The following LDB2 variants were observed in gnomAD, a reference collection of about 807,000 sequenced individuals.
The protein encoded by LDB2 is LIM domain binding 2.
Under a neutral mutation model 44.3 loss-of-function variants are expected in LDB2, and 12 were observed. That is an observed-to-expected ratio of 0.27 (90% CI 0.17 to 0.44). The LOEUF is 0.44. Among genes scored for constraint, LDB2 ranks in the 20% least tolerant of loss-of-function variants. The pLI, the probability that LDB2 is intolerant of heterozygous loss-of-function variation, is 1.00. For missense variants in LDB2, 344 were observed against 473.5 expected (o/e 0.73, Z 2.54); for synonymous variants, 164 against 174.8 (o/e 0.94, Z 0.49).
intron 1 of LDB2, among the ~76,000 whole-genome samples, chr4:16,818,182 A>C (rs1040311343): frequency 6.6e-6 from 1 of 152,142 alleles, no homozygotes. Flanking sequence ...TTCTCTGTGT[A>C]GTACCACAAT....
At chr4:16,518,941 A>C (rs533477655) in intron 5 of LDB2, among the ~76,000 whole-genome samples, 18 of 152,334 alleles carry the variant, frequency 1.2e-4, no homozygotes, top group African/African-American at 4.3e-4. Context: ...GAACCATTTA[A>C]GGTCCTCCAA....
At chr4:16,883,414 C>T (rs1192138116) in intron 1 of LDB2, among the ~76,000 whole-genome samples, 3 of 152,100 alleles carry the variant, frequency 2.0e-5, no homozygotes, top group Admixed American at 1.3e-4. Context: ...GAAGAAGGTA[C>T]GAGAAAGATT....
intron 2 of LDB2, among the ~76,000 whole-genome samples, chr4:16,718,243 T>C (rs995863867): frequency 6.6e-6 from 1 of 152,018 alleles, no homozygotes; most frequent in Non-Finnish European, 1.5e-5. Context: ...TTGAGTTCTG[T>C]CCTAAAGGAA....
intron 2 of LDB2, among the ~76,000 whole-genome samples, chr4:16,682,651 C>A (rs1748234005): frequency 6.6e-6 from 1 of 152,202 alleles, no homozygotes; most frequent in African/African-American, 2.4e-5. Flanking sequence ...CTCAGCTTAG[C>A]ACCTCCCTTC....
chr4:16,837,411 T>C (rs1340102308), intron 1 of LDB2, among the ~76,000 whole-genome samples: 3 of 152,188 alleles, frequency 2.0e-5, no homozygotes, highest in Non-Finnish European at 4.4e-5. Flanking sequence ...ACAGTGATGG[T>C]CACCAAAGAA....
intron 1 of LDB2, among the ~76,000 whole-genome samples, chr4:16,873,157 C>T (rs752463028): frequency 6.6e-6 from 1 of 152,100 alleles, no homozygotes; most frequent in Non-Finnish European, 1.5e-5. Flanking sequence ...CTATATTTAG[C>T]AATGAGAAGA....
intron 1 of LDB2, among the ~76,000 whole-genome samples, chr4:16,828,801 G>C (rs978954057): frequency 6.6e-6 from 1 of 152,154 alleles, no homozygotes; most frequent in Admixed American, 6.5e-5. Context: ...AGATGAGTGA[G>C]ATCATTCAAT....
At chr4:16,844,929 A>G (rs1786658659) in intron 1 of LDB2, among the ~76,000 whole-genome samples, 1 of 152,348 alleles carries the variant, frequency 6.6e-6, no homozygotes, top group Non-Finnish European at 1.5e-5. Context: ...AAGAGGGAAA[A>G]CTACATCATG....
chr4:16,742,155 T>C (rs1763416550), intron 2 of LDB2, among the ~76,000 whole-genome samples: 1 of 146,664 alleles, frequency 6.8e-6, no homozygotes, highest in Non-Finnish European at 1.5e-5. Context: ...CACTGCAATC[T>C]CCGCCTTTCG....
intron 2 of LDB2, among the ~76,000 whole-genome samples, chr4:16,634,168 A>T (rs1204245498): frequency 6.6e-6 from 1 of 152,200 alleles, no homozygotes; most frequent in Non-Finnish European, 1.5e-5. Flanking sequence ...TCCTACAAGA[A>T]AACCTGGGCA....
At chr4:16,586,867 A>G (rs1717165653) in intron 4 of LDB2, among the ~76,000 whole-genome samples, 2 of 152,216 alleles carry the variant, frequency 1.3e-5, no homozygotes, top group Admixed American at 6.5e-5. Context: ...AGATGGATGT[A>G]AACATCCCCT....
intron 5 of LDB2, among the ~76,000 whole-genome samples, chr4:16,557,260 T>C (rs970004425): frequency 2.0e-5 from 3 of 152,310 alleles, no homozygotes; most frequent in South Asian, 2.1e-4. Context: ...GGGTGAGGCA[T>C]TGCCTTACTC....
At chr4:16,757,701 T>TTGAGGAGGG (rs2109189565) in intron 2 of LDB2, among the ~76,000 whole-genome samples, 1 of 152,242 alleles carries the variant, frequency 6.6e-6, no homozygotes, top group Admixed American at 6.5e-5. Context: ...AGGCAGCTTT[T>TTGAGGAGGG]TGAGGAGGGA....
At chr4:16,555,830 C>T (rs765156047) in intron 5 of LDB2, among the ~76,000 whole-genome samples, 16 of 152,180 alleles carry the variant, frequency 1.1e-4, no homozygotes, top group Non-Finnish European at 1.5e-4. Flanking sequence ...AATACATGCT[C>T]TGTGTCATCT....
chr4:16,762,815 C>T (rs1053587832), intron 1 of LDB2, among the ~76,000 whole-genome samples: 4 of 152,118 alleles, frequency 2.6e-5, no homozygotes, highest in Admixed American at 1.3e-4. Context: ...AATAGAAATG[C>T]TGGCTGATCT....
intron 5 of LDB2, among the ~76,000 whole-genome samples, chr4:16,545,216 T>C (rs368575524): frequency 5.1e-4 from 77 of 151,276 alleles, no homozygotes; most frequent in African/African-American, 1.9e-3. Flanking sequence ...TTCTGTTTTT[T>C]CCCCCCTCCC....
intron 1 of LDB2, among the ~76,000 whole-genome samples, chr4:16,807,263 T>C (rs1778958872): frequency 6.6e-6 from 1 of 152,230 alleles, no homozygotes; most frequent in African/African-American, 2.4e-5. Flanking sequence ...AGTAATGATC[T>C]TATTGCAATT....
intron 2 of LDB2, among the ~76,000 whole-genome samples, chr4:16,740,924 C>A (rs1763121075): frequency 6.6e-6 from 1 of 152,190 alleles, no homozygotes; most frequent in Non-Finnish European, 1.5e-5. Context: ...ATGCAAAGCA[C>A]AACTCAGAAG....
chr4:16,741,006 T>G (rs920637410), intron 2 of LDB2, among the ~76,000 whole-genome samples: 1 of 152,172 alleles, frequency 6.6e-6, no homozygotes, highest in Non-Finnish European at 1.5e-5. Context: ...TGGAAAAAAA[T>G]GCATTCACTT....
Sources: allele counts gnomAD v4.1 joint callset (sites outside exome capture counted in the v4.1 genomes callset), GRCh38; gene constraint gnomAD v4.1.1; transcripts MANE v1.5; gene names NCBI Gene and HGNC (gene_info 2026-07-23, HGNC 2026-07-21).